The following DZIP1 variants were observed in gnomAD, a reference collection of about 807,000 sequenced individuals.
The protein encoded by DZIP1 is cilium assembly protein DZIP1.
Under a neutral mutation model 107.6 loss-of-function variants are expected in DZIP1, and 97 were observed. The ratio of observed to expected loss-of-function variants is 0.90; its 90% CI spans 0.77 to 1.07. The LOEUF (loss-of-function observed/expected upper bound fraction) is 1.07, where lower values mean the gene tolerates loss of function less well. Among genes scored for constraint, DZIP1 ranks in the 50% least tolerant of loss-of-function variants. The pLI is 0.00. For missense variants in DZIP1, 1,035 were observed against 1,063.6 expected, an observed-to-expected ratio of 0.97 and a Z score of 0.37; for synonymous variants, 390 against 386.4, an observed-to-expected ratio of 1.01 and a Z score of -0.11.
In DZIP1 at chr13:95,580,046, T is replaced by A. The variant is rs1174526571; in HGVS notation, c.*2188A>T. 2 of 152,018 alleles carry A rather than the reference T, an allele frequency of 1.3e-5. No individual in the cohort carries two copies. The highest frequency in any genetic ancestry group is 4.8e-5 in the African/African-American group (2 of 41,382). 9.4% of individuals were successfully genotyped at this position (152,018 alleles called of 1,614,324 possible). A position where few individuals can be genotyped will look rare whatever the true frequency, so the allele number is the denominator to read the frequency against. ...ACAAACCAAATTTTATACAAAAAAATGAAATGCAGCAGGGCGCGATGGCTC... is the reference window on the plus strand; with the variant it reads ...ACAAACCAAATTTTATACAAAAAAAAGAAATGCAGCAGGGCGCGATGGCTC... On this transcript the variant is annotated 3_prime_UTR_variant, in exon 23 of 23. Transcript: ENST00000376829.
intron 13 of DZIP1, among the ~76,000 whole-genome samples, chr13:95,608,646 C>T (rs1334968876): frequency 6.6e-6 from 1 of 152,128 alleles, no homozygotes; most frequent in Non-Finnish European, 1.5e-5. Flanking sequence ...AACTCCTCTC[C>T]TCTCCTTAAC....
chr13:95,604,928 G>A (rs2139027486), intron 14 of DZIP1, among the ~76,000 whole-genome samples: 1 of 152,272 alleles, frequency 6.6e-6, no homozygotes. Flanking sequence ...TATGTCCAGT[G>A]TGCTTTTATC....
chr13:95,597,287 A>T (rs2044482732), intron 15 of DZIP1, among the ~76,000 whole-genome samples: 1 of 56,678 alleles, frequency 1.8e-5, no homozygotes, highest in Non-Finnish European at 3.6e-5. Context: ...GAACTACATG[A>T]CCTGAAGTTC....
At chr13:95,594,862 C>T (rs146710359) in intron 15 of DZIP1, among the ~76,000 whole-genome samples, 1,000 of 97,548 alleles carry the variant, frequency 0.01, 3 homozygotes, top group Non-Finnish European at 0.017. Context: ...CATCCCTATC[C>T]CTTTTTTATT....
At chr13:95,589,666 C>T (rs2044258949) in intron 18 of DZIP1, 137 bp downstream of exon 18, 2 of 1,173,938 alleles carry the variant, frequency 1.7e-6, no homozygotes, top group South Asian at 1.5e-5. Flanking sequence ...ATACTGGCAT[C>T]CTGATCTTGG....
At position 95,590,353 on chromosome 13, in the gene DZIP1, T is replaced by C; in HGVS notation, c.1769A>G (p.Asn590Ser). The change falls in exon 17 of 23, where the codon AAC (asparagine) becomes AGC (serine). Residue 590 changes from asparagine (N) to serine (S), a missense_variant. By Grantham distance (46) the Asn-to-Ser change is conservative. Transcript: ENST00000376829. ...AAGGAATTCTCGAATTTGATGAAAGTTAGGTATTTCTCTTTCTTGCTTATG... is the reference window on the plus strand; with the variant it reads ...AAGGAATTCTCGAATTTGATGAAAGCTAGGTATTTCTCTTTCTTGCTTATG... The part of the protein sequence containing the change: ...ERHKQEREIP[N>S]FHQIREFLEH... 6.2e-7 allele frequency: 1 copy of C among 1,613,872 alleles called. No individual in the cohort carries two copies. The highest frequency in any genetic ancestry group is 2.2e-5 in the East Asian group (1 of 44,874).
Position 95,641,498 on chromosome 13 carries a change from G to C in DZIP1, c.394C>G (p.Leu132Val), listed in dbSNP as rs1223117405. 1 of 1,614,096 alleles carries C rather than the reference G, an allele frequency of 6.2e-7. No individual in the cohort carries two copies. The highest frequency in any genetic ancestry group is 8.5e-7 in the Non-Finnish European group (1 of 1,180,022). ...RLAQFTIEYL[L>V]HSQEFLTSQL... The stretch of plus-strand genomic sequence containing the variant: ...GAGGTGAGGAACTCTTGTGAGTGCA[G>C]CAAGTACTCGATGGTGAACTGCGCC... Residue 132 changes from leucine to valine, a missense_variant, in exon 5 of 23, where the codon CTG becomes GTG. By Grantham distance (32) the Leu-to-Val change is conservative (BLOSUM62 1). Coordinates refer to ENST00000376829, the MANE Select transcript of DZIP1 (RefSeq NM_198968.4). This position sits in a 1 kb window ranked among gnomAD's most constrained non-coding sequence, Gnocchi z 4.3.
chr13:95,612,749 T>G (rs1160623925), intron 10 of DZIP1, among the ~76,000 whole-genome samples: 1 of 152,162 alleles, frequency 6.6e-6, no homozygotes. Flanking sequence ...CATACCTGGC[T>G]AAATTTTGTA....
chr13:95,644,161 C>T (rs185992722), intron 1 of DZIP1, among the ~76,000 whole-genome samples: 1 of 152,366 alleles, frequency 6.6e-6, no homozygotes, highest in African/African-American at 2.4e-5. Context: ...GCAGCCGAAC[C>T]AGCAGACAAA....
chr13:95,600,792 C>T (rs2044599920), intron 14 of DZIP1, among the ~76,000 whole-genome samples: 1 of 152,118 alleles, frequency 6.6e-6, no homozygotes, highest in South Asian at 2.1e-4. Context: ...AGTAAAATCA[C>T]CTAACTGCTG....
At chr13:95,616,314 C>G (rs1456148848) in intron 10 of DZIP1, among the ~76,000 whole-genome samples, 1 of 152,230 alleles carries the variant, frequency 6.6e-6, no homozygotes, top group Non-Finnish European at 1.5e-5. Context: ...CCAGACAACT[C>G]TGGTAACCCT....
chr13:95,642,433 G>C (rs941416601), intron 3 of DZIP1, among the ~76,000 whole-genome samples, 192 bp from the exon 4 acceptor site: 1 of 152,070 alleles, frequency 6.6e-6, no homozygotes, highest in African/African-American at 2.4e-5. Context: ...GCCATCCCCT[G>C]GTTATTTATT....
At position 95,611,535 on chromosome 13, in the gene DZIP1, G is replaced by A. The variant is rs371157071; in HGVS notation, c.1315-42C>T. 3 of 1,453,936 alleles carry A rather than the reference G, an allele frequency of 2.1e-6. No individual in the cohort carries two copies. In the African/African-American group the frequency reaches 4.2e-5, roughly 20 times the overall value. The allele number at this position is 1,453,936 out of a possible 1,614,324, so 90.1% of individuals were successfully genotyped here. On this transcript the variant is annotated intron_variant, in intron 11 of 22. Transcript: ENST00000376829. The stretch of plus-strand genomic sequence containing the variant: ...TCTTCTAGTGATACATTTGAAATTA[G>A]ATAGGGACACACACATGGGATAATG...
chr13:95,630,889 A>G, intron 6 of DZIP1: 1 of 433,366 alleles, frequency 2.3e-6, no homozygotes, highest in Non-Finnish European at 4.2e-6. Context: ...ATACTGAAAC[A>G]GAAGAGAAAG....
chr13:95,640,889 G>T (rs1870336686), intron 5 of DZIP1, among the ~76,000 whole-genome samples: 1 of 152,184 alleles, frequency 6.6e-6, no homozygotes, highest in South Asian at 2.1e-4. Context: ...CAACTTTTCT[G>T]TCAGTTTGAA....
chr13:95,637,773 T>C (rs574396071), intron 5 of DZIP1, among the ~76,000 whole-genome samples: 1 of 152,300 alleles, frequency 6.6e-6, no homozygotes, highest in Non-Finnish European at 1.5e-5. Flanking sequence ...CCTCCAGAAC[T>C]GTGAGAAAAT....
rs3051404 is a variant in DZIP1, at chr13:95,638,636, AAC to A, written c.597+2657_597+2658del. Among the ~76,000 whole-genome samples, 1,450 of 149,818 alleles carry A rather than the reference AAC, an allele frequency of 9.7e-3. 36 individuals carry two copies. The highest frequency in any genetic ancestry group is 0.066 in the East Asian group (331 of 5,044). The stretch of plus-strand genomic sequence containing the variant: ...TGCCATCACTACCCCCCTTATACAC[AAC>A]ACACACACACACACACACACACACG... On this transcript the variant is annotated intron_variant, in intron 5 of 22. Coordinates refer to ENST00000376829, the MANE Select transcript of DZIP1 (RefSeq NM_198968.4).
chr13:95,619,253 T>C (rs1221729258), intron 10 of DZIP1, among the ~76,000 whole-genome samples: 1 of 152,170 alleles, frequency 6.6e-6, no homozygotes, highest in African/African-American at 2.4e-5. Flanking sequence ...CTACAAAACA[T>C]AATTCGAATG....
intron 15 of DZIP1, among the ~76,000 whole-genome samples, chr13:95,596,038 T>C (rs2044448701): frequency 1.3e-5 from 2 of 152,146 alleles, no homozygotes; most frequent in South Asian, 4.1e-4. Context: ...CCTTATATAC[T>C]GGTGCTTGCT....
Sources: gnomAD v4.1 joint callset for allele counts (sites outside exome capture counted in the v4.1 genomes callset) on GRCh38, gnomAD v4.1.1 for gene constraint, Gnocchi (gnomAD v3.1) non-coding constraint, MANE v1.5 for transcripts, NCBI Gene and HGNC (gene_info 2026-07-23, HGNC 2026-07-21) for gene names.